Variants in NPAS3 observed in about 807,000 individuals in gnomAD.
NPAS3 encodes neuronal PAS domain-containing protein 3.
Under a neutral mutation model 73.1 loss-of-function variants are expected in NPAS3, and 14 were observed. The ratio of observed to expected loss-of-function variants is 0.19; its 90% CI spans 0.13 to 0.30. The LOEUF is 0.30. NPAS3 is among the 10% of genes least tolerant of loss of function. NPAS3 has a pLI of 1.00. For synonymous variants in NPAS3, 620 were observed against 541.5 expected (o/e 1.14, Z -2.01); for missense variants, 1,096 against 1,250.0 (o/e 0.88, Z 1.86).
intron 9 of NPAS3, among the ~76,000 whole-genome samples, chr14:33,782,823 T>TAAAAAAAAAAAAAAAAAAAA (rs199704146): frequency 1.9e-4 from 28 of 148,578 alleles, no homozygotes; most frequent in Non-Finnish European, 3.1e-4. Context: ...TGTTTTTTTT[T>TAAAAAAAAAAAAAAAAAAAA]AAAAAAAAGA....
At chr14:33,777,441 TTTC>T (rs1403319236) in intron 8 of NPAS3, among the ~76,000 whole-genome samples, 2 of 152,182 alleles carry the variant, frequency 1.3e-5, no homozygotes, top group African/African-American at 4.8e-5. Context: ...TTTGTTTTTC[TTTC>T]TTATTTCCCT....
chr14:33,585,602 T>C (rs904911343), intron 5 of NPAS3, among the ~76,000 whole-genome samples: 4 of 152,184 alleles, frequency 2.6e-5, no homozygotes, highest in Non-Finnish European at 5.9e-5. Flanking sequence ...AAACCCACCA[T>C]GTAAGAGAAA....
intron 4 of NPAS3, among the ~76,000 whole-genome samples, chr14:33,491,589 C>T (rs1250935467): frequency 6.6e-6 from 1 of 152,070 alleles, no homozygotes; most frequent in Non-Finnish European, 1.5e-5. Flanking sequence ...TTGGTAGCTA[C>T]CATATTAGCT....
At chr14:33,337,846 T>G (rs1376929671) in intron 3 of NPAS3, among the ~76,000 whole-genome samples, 1 of 152,116 alleles carries the variant, frequency 6.6e-6, no homozygotes, top group Non-Finnish European at 1.5e-5. Context: ...TTGATGATCA[T>G]TGTGAATAGA....
chr14:33,551,600 G>A (rs2055118850), intron 4 of NPAS3, among the ~76,000 whole-genome samples: 1 of 152,136 alleles, frequency 6.6e-6, no homozygotes, highest in South Asian at 2.1e-4. Context: ...ACCAGAGAAG[G>A]GGGAAAAAGC....
chr14:33,288,927 A>G (rs566160822), intron 3 of NPAS3, among the ~76,000 whole-genome samples: 40 of 152,286 alleles, frequency 2.6e-4, no homozygotes, highest in African/African-American at 9.1e-4. Context: ...TCCAATTAGC[A>G]CAGTGCCTGG....
At chr14:33,617,317 G>A (rs1002379995) in intron 5 of NPAS3, among the ~76,000 whole-genome samples, 6 of 152,072 alleles carry the variant, frequency 3.9e-5, no homozygotes, top group African/African-American at 1.2e-4. Flanking sequence ...TTTTGTGGTC[G>A]GAATTTTGAA....
intron 5 of NPAS3, among the ~76,000 whole-genome samples, chr14:33,564,698 C>T (rs1170033502): frequency 6.6e-6 from 1 of 152,120 alleles, no homozygotes; most frequent in Non-Finnish European, 1.5e-5. Flanking sequence ...ACTCAGTTAA[C>T]CAGAGAATAC....
intron 3 of NPAS3, among the ~76,000 whole-genome samples, chr14:33,309,127 T>C (rs546565655): frequency 1.3e-5 from 2 of 152,196 alleles, no homozygotes; most frequent in Non-Finnish European, 2.9e-5. Context: ...ATTGAGATGT[T>C]TATTTAAACA....
chr14:33,053,064 G>GGT, intron 1 of NPAS3, among the ~76,000 whole-genome samples: 1 of 152,152 alleles, frequency 6.6e-6, no homozygotes, highest in Non-Finnish European at 1.5e-5. Context: ...GTTTTTGACA[G>GGT]GTGTAATTGT....
chr14:33,367,083 A>G (rs924138348), intron 3 of NPAS3, 103 bp from the exon 4 acceptor site: 13 of 586,412 alleles, frequency 2.2e-5, no homozygotes, highest in South Asian at 1.6e-4. Context: ...TCTCATTGTA[A>G]TACTAAATAG....
At chr14:33,047,551 C>T (rs1203841203) in intron 1 of NPAS3, among the ~76,000 whole-genome samples, 1 of 152,162 alleles carries the variant, frequency 6.6e-6, no homozygotes, top group Non-Finnish European at 1.5e-5. Context: ...GAAAAGCAGA[C>T]AGTAAAACAT....
intron 2 of NPAS3, among the ~76,000 whole-genome samples, chr14:33,132,350 C>A (rs1570874): frequency 0.96 from 146,857 of 152,258 alleles, 70,882 homozygotes; most frequent in Non-Finnish European, 0.98. Flanking sequence ...TGAGGCAGAG[C>A]GAAGGGAATG....
At chr14:33,201,477 C>T (rs1250775969) in intron 2 of NPAS3, among the ~76,000 whole-genome samples, 1 of 152,128 alleles carries the variant, frequency 6.6e-6, no homozygotes, top group Non-Finnish European at 1.5e-5. Flanking sequence ...TCTTTTGTTG[C>T]CTGATAACTC....
intron 1 of NPAS3, among the ~76,000 whole-genome samples, chr14:32,948,277 C>A (rs2036345007): frequency 6.6e-6 from 1 of 151,956 alleles, no homozygotes; most frequent in Admixed American, 6.6e-5. Flanking sequence ...TCAAAGTTGT[C>A]CAAAAATGGT....
At chr14:33,323,188 G>C (rs1470493901) in intron 3 of NPAS3, among the ~76,000 whole-genome samples, 1 of 152,164 alleles carries the variant, frequency 6.6e-6, no homozygotes, top group East Asian at 1.9e-4. Context: ...AGGCCCCTCT[G>C]GGATAGCCTA....
chr14:33,040,196 G>A (rs2138410559), intron 1 of NPAS3, among the ~76,000 whole-genome samples: 1 of 152,266 alleles, frequency 6.6e-6, no homozygotes, highest in African/African-American at 2.4e-5. Flanking sequence ...GGGGGAAACA[G>A]AAGTATCTTA....
chr14:32,982,671 C>T (rs2037945542), intron 1 of NPAS3, among the ~76,000 whole-genome samples: 1 of 152,178 alleles, frequency 6.6e-6, no homozygotes, highest in South Asian at 2.1e-4. Flanking sequence ...CAATTAGTTC[C>T]TAAATTCAAT....
At position 33,422,351 on chromosome 14, in the gene NPAS3, G is replaced by A. The variant is rs28457034; in HGVS notation, c.468+55083G>A. ...TTTTGTCTCCATTAAATAAAAGATA[G>A]ATTTACTCCTGAAATTTAACAAGAA... On this transcript the variant is annotated intron_variant, in intron 4 of 11. Transcript: ENST00000356141. Among the ~76,000 whole-genome samples, 1,115 of 151,938 alleles carry A rather than the reference G, an allele frequency of 7.3e-3. 8 individuals are homozygous for A. The highest frequency in any genetic ancestry group is 0.024 in the African/African-American group (1,001 of 41,476).
Sources: allele counts gnomAD v4.1 joint callset (sites outside exome capture counted in the v4.1 genomes callset), GRCh38; gene constraint gnomAD v4.1.1; transcripts MANE v1.5; gene names NCBI Gene and HGNC (gene_info 2026-07-23, HGNC 2026-07-21).